IQSEC1: variants seen among roughly 807,000 people sequenced by gnomAD.
The protein encoded by IQSEC1 is IQ motif and Sec7 domain ArfGEF 1.
Under a neutral mutation model 91.0 loss-of-function variants are expected in IQSEC1, and 31 were observed. The observed-to-expected ratio is 0.34, with a 90% CI of 0.26 to 0.46. The LOEUF (loss-of-function observed/expected upper bound fraction) is 0.46. IQSEC1 is among the 20% of genes least tolerant of loss of function. The probability of loss-of-function intolerance (pLI) is 1.00; values close to 1 mark genes in which losing one functional copy is unlikely to be tolerated. For synonymous variants in IQSEC1, 699 were observed against 662.6 expected (o/e 1.05, Z -0.84); for missense variants, 1,388 against 1,575.6 (o/e 0.88, Z 2.02).
At chr3:12,985,657 C>T (rs981266697) in intron 1 of IQSEC1, among the ~76,000 whole-genome samples, 5 of 152,098 alleles carry the variant, frequency 3.3e-5, no homozygotes, top group Non-Finnish European at 7.4e-5. Context: ...GGACGGGTGG[C>T]AGAGTGGGGG....
At chr3:13,066,711 T>C in intron 1 of IQSEC1, among the ~76,000 whole-genome samples, 1 of 152,162 alleles carries the variant, frequency 6.6e-6, no homozygotes, top group Non-Finnish European at 1.5e-5. Context: ...CCCACCCCGT[T>C]CTCTTCCCAG....
intron 1 of IQSEC1, among the ~76,000 whole-genome samples, chr3:12,942,254 C>A (rs1024345194): frequency 6.6e-6 from 1 of 152,188 alleles, no homozygotes; most frequent in Non-Finnish European, 1.5e-5. Flanking sequence ...ACTGACTCAG[C>A]GAATTCTGTC....
intron 1 of IQSEC1, among the ~76,000 whole-genome samples, chr3:13,187,018 T>C (rs1693945749): frequency 6.6e-6 from 1 of 152,020 alleles, no homozygotes. Flanking sequence ...CTTCGTACTT[T>C]CAGTCCTTCC....
intron 1 of IQSEC1, among the ~76,000 whole-genome samples, chr3:13,223,818 C>G (rs1694704359): frequency 6.6e-6 from 1 of 152,188 alleles, no homozygotes; most frequent in South Asian, 2.1e-4. Context: ...TGGACAGACT[C>G]AGAGAGAGGA....
At chr3:13,052,792 A>T (rs1253184218) in intron 1 of IQSEC1, among the ~76,000 whole-genome samples, 1 of 151,876 alleles carries the variant, frequency 6.6e-6, no homozygotes, top group African/African-American at 2.4e-5. Flanking sequence ...GGTCTCACAT[A>T]TTTATTACTG....
intron 1 of IQSEC1, among the ~76,000 whole-genome samples, chr3:13,059,950 G>A (rs1030865336): frequency 1.3e-5 from 2 of 152,230 alleles, no homozygotes; most frequent in Admixed American, 6.5e-5. Context: ...GCTGTGGGGT[G>A]CTACATGCTG....
chr3:13,071,163 T>TTG (rs1553563508), intron 1 of IQSEC1, among the ~76,000 whole-genome samples: 4 of 122,640 alleles, frequency 3.3e-5, no homozygotes, highest in African/African-American at 9.0e-5. Context: ...GTTTTTTTTT[T>TTG]TTTGTTTGTT....
rs138404122 is a variant in IQSEC1 at position 12,935,900 on chromosome 3, G to A, written c.1116C>T (p.Ser372=). The A allele has an allele frequency of 4.3e-5, 69 of 1,603,094 alleles. No homozygotes were observed. The highest frequency in any genetic ancestry group is 1.7e-4 in the African/African-American group (13 of 74,920). ...GGTCACTAAGGTCCACAGAGCTGTC[G>A]CTGGGTGGCTCGATGGTGAGCAGCG... ...HLPLLTIEPP[S]DSSVDLSDRS... The change falls in exon 3 of 14, where the codon AGC becomes AGT. Residue 372 remains serine (S), a synonymous_variant. Coordinates refer to ENST00000613206, the MANE Select transcript of IQSEC1 (RefSeq NM_001134382.3). The surrounding 1 kb of genome is among the most constrained non-coding windows in gnomAD (Gnocchi z 8.0).
chr3:13,221,936 C>T (rs866179617), intron 1 of IQSEC1, among the ~76,000 whole-genome samples: 34 of 152,226 alleles, frequency 2.2e-4, no homozygotes, highest in African/African-American at 7.7e-4. Context: ...ATGGTAGCCG[C>T]GGAGCAGAGG....
intron 1 of IQSEC1, among the ~76,000 whole-genome samples, chr3:13,217,800 T>A (rs959642307): frequency 6.6e-6 from 1 of 152,182 alleles, no homozygotes; most frequent in Non-Finnish European, 1.5e-5. Flanking sequence ...TAGAAAAGAA[T>A]GCTCAAAATA....
Position 13,141,604 on chromosome 3 carries a change from T to C in IQSEC1, c.302+22500A>G, listed in dbSNP as rs955782705. On this transcript the variant is annotated intron_variant, in intron 2 of 15. Coordinates refer to the IQSEC1 transcript ENST00000648114. Reference sequence around the variant, plus strand: ...ACTGGCAGGTGACCAGGGGAATTCATTCATGTCCCCAAATGCTCAAGTGAG... The same window carrying C: ...ACTGGCAGGTGACCAGGGGAATTCACTCATGTCCCCAAATGCTCAAGTGAG... 6.6e-5 allele frequency among the ~76,000 whole-genome samples: 10 copies of C among 152,282 alleles called. No individual in the cohort carries two copies. In the East Asian group the frequency reaches 1.9e-3, roughly 29 times the overall value.
At chr3:12,961,042 C>G (rs949454943) in intron 1 of IQSEC1, among the ~76,000 whole-genome samples, 1 of 152,260 alleles carries the variant, frequency 6.6e-6, no homozygotes, top group African/African-American at 2.4e-5. Context: ...CAGCAAGCTG[C>G]CTCCCCTCCC....
At chr3:12,963,864 T>C (rs1700392793) in intron 1 of IQSEC1, among the ~76,000 whole-genome samples, 1 of 152,236 alleles carries the variant, frequency 6.6e-6, no homozygotes, top group African/African-American at 2.4e-5. Flanking sequence ...GCGTGTCCCC[T>C]GGGTCATACA....
intron 1 of IQSEC1, among the ~76,000 whole-genome samples, chr3:13,238,725 G>A (rs1251218245): frequency 2.0e-5 from 3 of 152,120 alleles, no homozygotes; most frequent in Non-Finnish European, 4.4e-5. Context: ...TAGAAACAGT[G>A]AGCTCCTGCC....
intron 1 of IQSEC1, among the ~76,000 whole-genome samples, chr3:13,172,737 C>T (rs1482848215): frequency 6.6e-6 from 1 of 152,232 alleles, no homozygotes; most frequent in Non-Finnish European, 1.5e-5. Context: ...GGTCACAGTG[C>T]TGGTGAGGGA....
chr3:13,018,958 C>T (rs550858926), intron 1 of IQSEC1, among the ~76,000 whole-genome samples: 42 of 152,300 alleles, frequency 2.8e-4, no homozygotes, highest in African/African-American at 8.9e-4. Flanking sequence ...TAAGCCCCCA[C>T]GCTGAGACTC....
chr3:12,982,078 T>G (rs1021066021), intron 1 of IQSEC1, among the ~76,000 whole-genome samples: 1 of 152,258 alleles, frequency 6.6e-6, no homozygotes, highest in Non-Finnish European at 1.5e-5. Flanking sequence ...CATGAGTTCC[T>G]GCCTGCCCAC....
chr3:13,160,153 G>A (rs1165040954), intron 2 of IQSEC1, among the ~76,000 whole-genome samples: 1 of 152,084 alleles, frequency 6.6e-6, no homozygotes, highest in Admixed American at 6.6e-5. Context: ...TCACAAACAG[G>A]CTTCTCCATG....
chr3:13,220,277 G>A (rs1192227557), intron 1 of IQSEC1, among the ~76,000 whole-genome samples: 4 of 152,212 alleles, frequency 2.6e-5, no homozygotes. Context: ...GACCTTGATC[G>A]CCTCAAATTT....
Sources: allele counts gnomAD v4.1 joint callset (sites outside exome capture counted in the v4.1 genomes callset), GRCh38; gene constraint gnomAD v4.1.1; non-coding constraint Gnocchi (gnomAD v3.1); transcripts MANE v1.5; gene names NCBI Gene and HGNC (gene_info 2026-07-23, HGNC 2026-07-21).